The following CD2 variants were observed in gnomAD, a reference collection of about 807,000 sequenced individuals.
CD2 encodes T-cell surface antigen CD2.
In CD2, 18 loss-of-function variants were observed where a neutral mutation model predicts 23.2. The ratio of observed to expected loss-of-function variants is 0.77; its 90% confidence interval spans 0.54 to 1.15. The LOEUF (loss-of-function observed/expected upper bound fraction) is 1.15. Among genes scored for constraint, CD2 ranks in the 50% most tolerant of loss-of-function variants. The probability of loss-of-function intolerance (pLI) is 0.00; values close to 1 mark genes in which losing one functional copy is unlikely to be tolerated. For synonymous variants in CD2, 162 were observed against 151.9 expected, an observed-to-expected ratio of 1.07 and a Z score of -0.49; for missense variants, 424 against 423.1, an observed-to-expected ratio of 1.00 and a Z score of -0.02.
At chr1:116,757,516 C>T (rs1193311457) in intron 2 of CD2, among the ~76,000 whole-genome samples, 2 of 152,062 alleles carry the variant, frequency 1.3e-5, no homozygotes, top group Non-Finnish European at 2.9e-5. Flanking sequence ...GGTACTACTC[C>T]ACAAGGGTGC....
At chr1:116,759,374 A>G (rs532251167) in intron 2 of CD2, among the ~76,000 whole-genome samples, 2 of 151,906 alleles carry the variant, frequency 1.3e-5, no homozygotes, top group Non-Finnish European at 2.9e-5. Context: ...TTATGAATGG[A>G]GAGAAACTGA....
chr1:116,762,881 C>T (rs1652100576), intron 3 of CD2, among the ~76,000 whole-genome samples: 2 of 152,246 alleles, frequency 1.3e-5, no homozygotes, highest in South Asian at 4.1e-4. Context: ...GCATTGCCTA[C>T]ATTCCTGCAT....
chr1:116,761,536 G>A (rs576731002), intron 3 of CD2, among the ~76,000 whole-genome samples: 6 of 152,184 alleles, frequency 3.9e-5, no homozygotes, highest in Admixed American at 3.3e-4. Context: ...AGAAAGAGCA[G>A]GAATAAGTGC....
At position 116,768,800 on chromosome 1, in the gene CD2, C is replaced by T. The variant is rs1051663; in HGVS notation, c.*17C>T. On this transcript the variant is annotated 3_prime_UTR_variant, in exon 5 of 5. Transcript: ENST00000369478. ...TCTAATTAAAAAAGATAGAAACTGT[C>T]TTTTTCAATAAAAAGCACTGTGGAT... 1 of 1,594,580 alleles carries T rather than the reference C, an allele frequency of 6.3e-7. No individual in the cohort carries two copies. The highest frequency in any genetic ancestry group is 1.4e-5 in the African/African-American group (1 of 73,970).
Position 116,754,766 on chromosome 1 carries a change from A to G in CD2, c.197A>G (p.Lys66Arg). Reference sequence around the variant, plus strand: ...AAATGGGAAAAAACTTCAGACAAGAAAAAGATTGCACAATTCAGAAAAGAG... The same window carrying G: ...AAATGGGAAAAAACTTCAGACAAGAGAAAGATTGCACAATTCAGAAAAGAG... ...DIKWEKTSDK[K>R]KIAQFRKEKE... Residue 66 changes from lysine (K) to arginine (R), a missense_variant, in exon 2 of 5, where the codon AAA becomes AGA. Transcript: ENST00000369478. 1 of 1,613,754 alleles carries G rather than the reference A, an allele frequency of 6.2e-7. No homozygotes were observed. Among genetic ancestry groups the G allele is most frequent in the Non-Finnish European group, 8.5e-7 (1 of 1,179,858 alleles).
chr1:116,764,443 C>A (rs374457557), intron 3 of CD2, 41 bp from the exon 4 acceptor site: 348 of 1,606,172 alleles, frequency 2.2e-4, no homozygotes, highest in Non-Finnish European at 2.9e-4. Flanking sequence ...GGCTCTCTGC[C>A]TGGACCCCTC....
chr1:116,764,861 G>C (rs1652167948), intron 4 of CD2, among the ~76,000 whole-genome samples: 1 of 152,178 alleles, frequency 6.6e-6, no homozygotes, highest in Non-Finnish European at 1.5e-5. Context: ...CACCACTGAG[G>C]CCTACTTGGT....
At position 116,764,597 on chromosome 1, in the gene CD2, C is replaced by G. The variant is rs750691856; in HGVS notation, c.727C>G (p.Arg243Gly). 1.2e-6 allele frequency: 2 copies of G among 1,613,646 alleles called. No homozygotes were observed. Among genetic ancestry groups the G allele is most frequent in the Non-Finnish European group, 1.7e-6 (2 of 1,179,740 alleles). The change falls in exon 4 of 5, where the codon CGG becomes GGG. Residue 243 changes from arginine (R) to glycine (G), a missense_variant. Coordinates refer to ENST00000369478, the MANE Select transcript of CD2 (RefSeq NM_001767.5). ...YITKRKKQRS[R>G]RNDEELETRA... The stretch of plus-strand genomic sequence containing the variant: ...CACCAAAAGGAAAAAACAGAGGAGT[C>G]GGAGAAATGGTAAGCTCCCCCTCTT...
rs1652007183 is a variant in CD2 at position 116,760,433 on chromosome 1, T to C, written c.414T>C (p.Thr138=). 1.2e-6 allele frequency: 2 copies of C among 1,614,210 alleles called. No homozygotes were observed. Among genetic ancestry groups the C allele is most frequent in the East Asian group, 4.5e-5 (2 of 44,892 alleles). ...ERVSKPKISW[T]CINTTLTCEV... The stretch of plus-strand genomic sequence containing the variant: ...TCTCAAAACCAAAGATCTCCTGGAC[T>C]TGTATCAACACAACCCTGACCTGTG... Residue 138 remains threonine, a synonymous_variant, in exon 3 of 5, where the codon ACT becomes ACC. Coordinates refer to ENST00000369478, the MANE Select transcript of CD2 (RefSeq NM_001767.5).
intron 2 of CD2, among the ~76,000 whole-genome samples, chr1:116,758,330 C>T (rs536220484): frequency 2.6e-5 from 4 of 152,140 alleles, no homozygotes; most frequent in African/African-American, 9.6e-5. Context: ...CACAGGCCAG[C>T]CATTCAGTGA....
chr1:116,763,361 C>T (rs993336605), intron 3 of CD2, among the ~76,000 whole-genome samples: 1 of 152,130 alleles, frequency 6.6e-6, no homozygotes, highest in African/African-American at 2.4e-5. Context: ...TATGTTTTTG[C>T]CTGGAGAAGC....
chr1:116,759,440 A>AG, intron 2 of CD2, among the ~76,000 whole-genome samples: 1 of 150,936 alleles, frequency 6.6e-6, no homozygotes, highest in Non-Finnish European at 1.5e-5. Context: ...AAAAAAAAAA[A>AG]CAGAAGACGA....
chr1:116,763,092 A>G (rs1199346029), intron 3 of CD2, among the ~76,000 whole-genome samples: 1 of 152,236 alleles, frequency 6.6e-6, no homozygotes, highest in East Asian at 1.9e-4. Context: ...AGCAGGGCCT[A>G]AAGGGCCCTG....
At chr1:116,757,740 C>CGT (rs1553229495) in intron 2 of CD2, among the ~76,000 whole-genome samples, 1 of 149,170 alleles carries the variant, frequency 6.7e-6, no homozygotes, top group South Asian at 2.2e-4. Context: ...TAAAATATTA[C>CGT]ATATATATAT....
intron 2 of CD2, among the ~76,000 whole-genome samples, chr1:116,757,522 G>C (rs1651893268): frequency 6.6e-6 from 1 of 152,120 alleles, no homozygotes; most frequent in African/African-American, 2.4e-5. Flanking sequence ...ACTCCACAAG[G>C]GTGCCCATCA....
At chr1:116,760,303 C>T in intron 2 of CD2, 99 bp from the exon 3 acceptor site, 1 of 838,486 alleles carries the variant, frequency 1.2e-6, no homozygotes. Context: ...ACATTGTTCC[C>T]TTGTCCCTAA....
Position 116,760,457 on chromosome 1 carries a change from T to A in CD2, c.438T>A (p.Cys146Ter). ...SWTCINTTLT[C>*]EVMNGTDPEL... is the part of the protein sequence containing the mutation. The stretch of plus-strand genomic sequence containing the variant: ...CTTGTATCAACACAACCCTGACCTG[T>A]GAGGTAATGAATGGAACTGACCCCG... The change falls in exon 3 of 5, where the codon TGT becomes TGA. Residue 146 changes from cysteine to a stop codon, truncating the protein, a stop_gained. Coordinates refer to ENST00000369478, the MANE Select transcript of CD2 (RefSeq NM_001767.5). LOFTEE classifies it high-confidence loss of function. 1 of 1,614,118 alleles carries A rather than the reference T, an allele frequency of 6.2e-7. No individual in the cohort carries two copies. The highest frequency in any genetic ancestry group is 8.5e-7 in the Non-Finnish European group (1 of 1,179,996).
chr1:116,759,257 T>C lies in CD2; in HGVS notation c.383-1145T>C, dbSNP rs115989518. 7.7e-3 allele frequency among the ~76,000 whole-genome samples: 1,179 copies of C among 152,218 alleles called. 8 individuals carry two copies. The highest frequency in any genetic ancestry group is 0.027 in the African/African-American group (1,123 of 41,510). On this transcript the variant is annotated intron_variant, in intron 2 of 4. Coordinates refer to ENST00000369478, the MANE Select transcript of CD2 (RefSeq NM_001767.5). ...AATTTAATTTCTGCATGCCTATATA[T>C]ATCGGGACATAAATGAAGTTTGACT...
At chr1:116,768,344 C>T (rs1571246145) in intron 4 of CD2, 120 bp from the exon 5 acceptor site, 1 of 896,842 alleles carries the variant, frequency 1.1e-6, no homozygotes, top group South Asian at 1.8e-5. Flanking sequence ...GGGGCAACTT[C>T]TGCTTCCTCA....
Sources: gnomAD v4.1 joint callset for allele counts (sites outside exome capture counted in the v4.1 genomes callset) on GRCh38, gnomAD v4.1.1 for gene constraint, MANE v1.5 for transcripts, NCBI Gene and HGNC (gene_info 2026-07-23, HGNC 2026-07-21) for gene names.